GALNT9: variants seen among roughly 807,000 people sequenced by gnomAD.
GALNT9 encodes the protein GalNAc transferase 9.
In GALNT9, 47 loss-of-function variants were observed where a neutral mutation model predicts 63.1. That is an observed-to-expected ratio of 0.75 (90% CI 0.59 to 0.95). The LOEUF is 0.95. Among genes scored for constraint, GALNT9 ranks in the 40% least tolerant of loss-of-function variants. The pLI is 0.00. For synonymous variants in GALNT9, 396 were observed against 365.7 expected (o/e 1.08, Z -0.94); for missense variants, 829 against 874.8 (o/e 0.95, Z 0.66).
intron 3 of GALNT9, among the ~76,000 whole-genome samples, 190 bp from the exon 4 acceptor site, chr12:132,261,312 G>C (rs1879374585): frequency 6.6e-6 from 1 of 152,206 alleles, no homozygotes; most frequent in Admixed American, 6.5e-5. Context: ...TCATGATGCT[G>C]ACATTCCAGT....
intron 6 of GALNT9, 59 bp from the exon 7 acceptor site, chr12:132,203,749 C>T: frequency 6.4e-7 from 1 of 1,552,912 alleles, no homozygotes; most frequent in South Asian, 1.2e-5. Flanking sequence ...GCAGCCCGGC[C>T]AGCTAGGGGC....
At chr12:132,294,464 G>T (rs1880977216) in intron 1 of GALNT9, among the ~76,000 whole-genome samples, 1 of 152,230 alleles carries the variant, frequency 6.6e-6, no homozygotes, top group Non-Finnish European at 1.5e-5. Flanking sequence ...CGTCAGGCAG[G>T]AGACTCAGGA....
At chr12:132,254,285 C>T (rs1401587613) in intron 5 of GALNT9, among the ~76,000 whole-genome samples, 2 of 152,228 alleles carry the variant, frequency 1.3e-5, no homozygotes, top group African/African-American at 4.8e-5. Context: ...GCTGGAAATA[C>T]CGGCGTAAGC....
intron 3 of GALNT9, 51 bp from the exon 4 acceptor site, chr12:132,261,173 G>A (rs1238269984): frequency 5.8e-6 from 9 of 1,541,290 alleles, no homozygotes; most frequent in African/African-American, 2.8e-5. Flanking sequence ...CAGGCGCGGG[G>A]CCACCAAGAC....
At chr12:132,213,499 TCACA>T (rs950169536) in intron 6 of GALNT9, among the ~76,000 whole-genome samples, 7 of 75,392 alleles carry the variant, frequency 9.3e-5, no homozygotes, top group Admixed American at 3.7e-4. Context: ...CGCACTCCAC[TCACA>T]CACAGGCGCA....
intron 9 of GALNT9, among the ~76,000 whole-genome samples, chr12:132,198,426 GCGGGGC>G (rs1875711385): frequency 1.3e-5 from 1 of 79,158 alleles, no homozygotes. Flanking sequence ...CTGTGATTCT[GCGGGGC>G]TGGGGCTGGG....
intron 1 of GALNT9, among the ~76,000 whole-genome samples, chr12:132,326,340 C>T (rs535493486): frequency 2.6e-5 from 4 of 152,344 alleles, no homozygotes; most frequent in Middle Eastern, 3.4e-3. Flanking sequence ...TTGCCTTGAG[C>T]GCTGAACTTA....
intron 1 of GALNT9, among the ~76,000 whole-genome samples, chr12:132,301,397 G>T (rs1197916194): frequency 6.6e-6 from 1 of 152,270 alleles, no homozygotes; most frequent in Non-Finnish European, 1.5e-5. Flanking sequence ...GTGCTGCTGT[G>T]GTGGGCACGT....
intron 6 of GALNT9, among the ~76,000 whole-genome samples, chr12:132,240,027 C>CG (rs1565995368): frequency 2.0e-5 from 3 of 152,156 alleles, no homozygotes; most frequent in African/African-American, 7.2e-5. Flanking sequence ...AACCCAGGCC[C>CG]GCCGCTCTAA....
rs1878950782 is a variant in GALNT9, at chr12:132,252,317, C to A, written c.960-4290G>T. Among the ~76,000 whole-genome samples the A allele has an allele frequency of 6.6e-6, 1 of 152,240 alleles. No homozygotes were observed. Among genetic ancestry groups the A allele is most frequent in the African/African-American group, 2.4e-5 (1 of 41,464 alleles). ...GGCACCTCCTGCAGCCGCATCCCCGCCACGACTGAAGCCTTCGTGTCTTGC... is the reference window on the plus strand; with the variant it reads ...GGCACCTCCTGCAGCCGCATCCCCGACACGACTGAAGCCTTCGTGTCTTGC... On this transcript the variant is annotated intron_variant, in intron 5 of 10. Transcript: ENST00000328957. This position sits in a 1 kb window ranked among gnomAD's most constrained non-coding sequence, Gnocchi z 5.2.
rs1881774284 is a variant in GALNT9 at position 132,310,475 on chromosome 12, GC to G, written c.238+18490del. 6.6e-6 allele frequency among the ~76,000 whole-genome samples: 1 copy of G among 152,166 alleles called. No individual in the cohort carries two copies. On this transcript the variant is annotated intron_variant, in intron 1 of 10. Transcript: ENST00000328957. The surrounding 1 kb of genome is among the most constrained non-coding windows in gnomAD (Gnocchi z 4.8). The stretch of plus-strand genomic sequence containing the variant: ...GCCGGCCATCTCCTGGAGGCTGAGA[GC>G]CCTCCGGGAAAGCAGGCATTTCTGC...
intron 6 of GALNT9, among the ~76,000 whole-genome samples, chr12:132,237,936 C>G (rs1305431949): frequency 6.6e-6 from 1 of 152,214 alleles, no homozygotes; most frequent in Non-Finnish European, 1.5e-5. Flanking sequence ...CTGCTGCCCT[C>G]CAGCTTCAGG....
intron 6 of GALNT9, among the ~76,000 whole-genome samples, chr12:132,215,965 G>A (rs1199921156): frequency 6.6e-6 from 1 of 152,164 alleles, no homozygotes; most frequent in Admixed American, 6.5e-5. Context: ...TCAGCCAAAG[G>A]ACTCCTAAGG....
intron 6 of GALNT9, among the ~76,000 whole-genome samples, chr12:132,226,275 C>A (rs2036028639): frequency 6.7e-6 from 1 of 148,520 alleles, no homozygotes; most frequent in Admixed American, 6.7e-5. Flanking sequence ...ACATACACAC[C>A]CCACACATAC....
At chr12:132,281,690 A>T (rs1038441196) in intron 2 of GALNT9, among the ~76,000 whole-genome samples, 31 of 152,328 alleles carry the variant, frequency 2.0e-4, no homozygotes, top group Middle Eastern at 3.4e-3. Context: ...CTTGGCAGAC[A>T]GGTTTCCTAC....
In GALNT9 at chr12:132,286,281, C is replaced by T. The variant is rs1369111776; in HGVS notation, c.388G>A (p.Asp130Asn). Residue 130 changes from aspartate (D) to asparagine (N), a missense_variant, in exon 2 of 11, where the codon GAT becomes AAT. Coordinates refer to ENST00000328957, the MANE Select transcript of GALNT9 (RefSeq NM_001122636.2). The surrounding 1 kb of genome is among the most constrained non-coding windows in gnomAD (Gnocchi z 7.4). Reference protein sequence around the residue: ...NAQLSDRISLDRSIPDYRPRK... With the variant: ...NAQLSDRISLNRSIPDYRPRK... ...GGCCGGTAGTCGGGGATGCTCCGAT[C>T]GAGGGAGATGCGGTCGCTGAGCTGA... 1.0e-5 allele frequency: 16 copies of T among 1,551,028 alleles called. No homozygotes were observed. The highest frequency in any genetic ancestry group is 1.4e-5 in the African/African-American group (1 of 73,040).
chr12:132,293,996 G>A (rs145260524), intron 1 of GALNT9, among the ~76,000 whole-genome samples: 1 of 152,280 alleles, frequency 6.6e-6, no homozygotes, highest in Non-Finnish European at 1.5e-5. Flanking sequence ...GAGCCTATCT[G>A]TGAATGGCCG....
rs59046540 is a variant in GALNT9, at chr12:132,272,143, G to C, written c.420-9518C>G. On this transcript the variant is annotated intron_variant, in intron 2 of 10. Transcript: ENST00000328957. ...GGACGCACCGTGGGGACAGATGCAC[G>C]GCGGGGACCCCTCTGTGGGCCACGC... 6.3e-3 allele frequency among the ~76,000 whole-genome samples: 961 copies of C among 152,296 alleles called. 11 individuals are homozygous for C. The highest frequency in any genetic ancestry group is 0.022 in the African/African-American group (897 of 41,568).
At chr12:132,304,389 C>T (rs1593116531) in intron 1 of GALNT9, among the ~76,000 whole-genome samples, 1 of 120,322 alleles carries the variant, frequency 8.3e-6, no homozygotes, top group Middle Eastern at 4.7e-3. Context: ...ACACCCTCAC[C>T]GGGGCACACC....
Sources: gnomAD v4.1 joint callset for allele counts (sites outside exome capture counted in the v4.1 genomes callset) on GRCh38, gnomAD v4.1.1 for gene constraint, Gnocchi (gnomAD v3.1) non-coding constraint, MANE v1.5 for transcripts, NCBI Gene and HGNC (gene_info 2026-07-23, HGNC 2026-07-21) for gene names.